Variants in FAAP20 observed in about 807,000 individuals in gnomAD.
FAAP20 encodes FA core complex associated protein 20, also known as Fanconi anemia core complex-associated protein 20.
FAAP20 carries 12 observed loss-of-function variants against 16.2 expected under a neutral mutation model. That is an observed-to-expected ratio of 0.74 (90% CI 0.48 to 1.20). The LOEUF is 1.20. Ranked by LOEUF, FAAP20 falls within the 50% of genes most tolerant of loss-of-function variation. FAAP20 has a pLI of 0.00. For synonymous variants in FAAP20, 141 were observed against 110.7 expected, an observed-to-expected ratio of 1.27 and a Z score of -1.72; for missense variants, 288 against 245.8, an observed-to-expected ratio of 1.17 and a Z score of -1.15.
chr1:2,189,276 G>A (rs1011656485), downstream of FAAP20, among the ~76,000 whole-genome samples: 1 of 146,760 alleles, frequency 6.8e-6, no homozygotes, highest in African/African-American at 2.5e-5. Context: ...AGGCTGCAAT[G>A]AGCCGTGATT....
At chr1:2,185,323 A>G (rs997234815), downstream of FAAP20, 1 of 718,656 alleles carries the variant, frequency 1.4e-6, no homozygotes, top group African/African-American at 1.7e-5. Flanking sequence ...ACAGAACTCG[A>G]TGCACTGACC....
chr1:2,199,063 A>G (rs1572129614), upstream of FAAP20: 1 of 1,225,510 alleles, frequency 8.2e-7, no homozygotes, highest in East Asian at 5.8e-5. This position sits in a 1 kb window ranked among gnomAD's most constrained non-coding sequence, Gnocchi z 4.5. Context: ...TGGCGGGGTC[A>G]TGGCACAGGC....
In FAAP20 at chr1:2,189,675, G is replaced by A. The variant is rs1389331069; in HGVS notation, c.*34C>T. Reference sequence around the variant, plus strand: ...TGCTGGCGGGGGAGAGCGTGTCCGGGCGCCGCACTCTGCGCAGGGCTCTTG... The same window carrying A: ...TGCTGGCGGGGGAGAGCGTGTCCGGACGCCGCACTCTGCGCAGGGCTCTTG... On this transcript the variant is annotated 3_prime_UTR_variant, in exon 4 of 4. Transcript: ENST00000378546. The A allele has an allele frequency of 6.3e-7, 1 of 1,595,756 alleles. No individual in the cohort carries two copies. Among genetic ancestry groups the A allele is most frequent in the Non-Finnish European group, 8.6e-7 (1 of 1,164,992 alleles).
rs1265193469 is a variant in FAAP20, at chr1:2,190,600, G to A, written c.471-819C>T. 3.1e-5 allele frequency: 11 copies of A among 357,784 alleles called. 1 individual carries two copies. Among genetic ancestry groups the A allele is most frequent in the South Asian group, 2.2e-4 (11 of 49,684 alleles). The allele number at this position is 357,784 out of a possible 1,614,324, so 22.2% of individuals were successfully genotyped here. On this transcript the variant is annotated intron_variant, in intron 3 of 3. Transcript: ENST00000378546. Reference sequence around the variant, plus strand: ...AGTTGACTTCCGGCCATGACTCCCGGAGAGTGCCGGAGCTGGCGTGCTCAG... The same window carrying A: ...AGTTGACTTCCGGCCATGACTCCCGAAGAGTGCCGGAGCTGGCGTGCTCAG...
At chr1:2,193,395 C>A in intron 3 of FAAP20, 1 of 610,058 alleles carries the variant, frequency 1.6e-6, no homozygotes, top group Non-Finnish European at 2.7e-6. Context: ...TCCCAGCCTT[C>A]CTTCTGTGCT....
In FAAP20 at chr1:2,194,103, C is replaced by T. The variant is rs148590466; in HGVS notation, c.93G>A (p.Leu31=). ...GPSGGRPWFL[L]GGDERERLWA... is the part of the protein sequence containing the mutation. ...AGAGCCGCTCCCGCTCATCACCCCC[C>T]AGGAGAAACCAGGGGCGGCCGCCAG... Residue 31 remains leucine, a synonymous_variant, in exon 2 of 4, where the codon CTG becomes CTA. Coordinates refer to ENST00000378546, the MANE Select transcript of FAAP20 (RefSeq NM_182533.4). 3 of 1,612,412 alleles carry T rather than the reference C, an allele frequency of 1.9e-6. No individual in the cohort carries two copies. The highest frequency in any genetic ancestry group is 3.3e-5 in the Admixed American group (2 of 60,004).
At chr1:2,186,967 GT>G (rs1217910628), downstream of FAAP20, 1 of 283,542 alleles carries the variant, frequency 3.5e-6, no homozygotes, top group Admixed American at 5.1e-5. Flanking sequence ...ATAAATTAAA[GT>G]GAAGGATGTA....
chr1:2,205,618 G>A (rs906103726), intron 3 of FAAP20, among the ~76,000 whole-genome samples: 1 of 152,138 alleles, frequency 6.6e-6, no homozygotes, highest in Non-Finnish European at 1.5e-5. Flanking sequence ...TTCCAGCGTC[G>A]AGCCTGCTTC....
In FAAP20 at chr1:2,189,742, G is replaced by C. The variant is rs1687954361; in HGVS notation, c.510C>G (p.Cys170Trp). The change falls in exon 4 of 4, where the codon TGC (cysteine) becomes TGG (tryptophan). Residue 170 changes from cysteine to tryptophan, a missense_variant. Transcript: ENST00000378546. The stretch of plus-strand genomic sequence containing the variant: ...TCACGTCTTCTGTGCTTTCGGCCAA[G>C]CACTGGGCCAGGTGGCTGTCAACAT... Reference protein sequence around the residue: ...QLDVDSHLAQCLAESTEDVTW With the variant: ...QLDVDSHLAQWLAESTEDVTW 1.2e-6 allele frequency: 2 copies of C among 1,612,216 alleles called. No homozygotes were observed. Among genetic ancestry groups the C allele is most frequent in the African/African-American group, 1.3e-5 (1 of 74,910 alleles).
intron 3 of FAAP20, chr1:2,190,486 C>T (rs962684882): frequency 1.4e-5 from 6 of 444,132 alleles, no homozygotes; most frequent in African/African-American, 4.0e-5. Context: ...CTTCTATCCC[C>T]GGCCTCATGT....
chr1:2,204,645 C>T (rs867850369), upstream of FAAP20, among the ~76,000 whole-genome samples: 11 of 152,214 alleles, frequency 7.2e-5, no homozygotes, highest in African/African-American at 1.4e-4. Context: ...CGGGTGGATT[C>T]CCTCCCACTG....
chr1:2,184,563 TCTC>T (rs539390535), downstream of FAAP20: 42 of 1,603,676 alleles, frequency 2.6e-5, no homozygotes, highest in African/African-American at 2.7e-5. Flanking sequence ...AGCTGACCCT[TCTC>T]CTATTGTTTT....
upstream of FAAP20, among the ~76,000 whole-genome samples, chr1:2,197,463 A>G (rs1688871570): frequency 6.6e-6 from 1 of 152,200 alleles, no homozygotes; most frequent in Admixed American, 6.5e-5. Context: ...GGTAGGAGGC[A>G]CGGGCCTGCA....
chr1:2,185,050 T>C (rs1413325982), downstream of FAAP20: 3 of 1,541,258 alleles, frequency 1.9e-6, no homozygotes, highest in East Asian at 6.9e-5. Context: ...TGATTGACCC[T>C]TTAACTGTAT....
chr1:2,194,868 G>A (rs1688733243), upstream of FAAP20: 2 of 895,878 alleles, frequency 2.2e-6, no homozygotes, highest in Non-Finnish European at 2.7e-6. Context: ...CGAGACAGTC[G>A]GAACCCCAGG....
chr1:2,191,791 A>C, intron 3 of FAAP20: 1 of 976,886 alleles, frequency 1.0e-6, no homozygotes, highest in Non-Finnish European at 1.2e-6. Flanking sequence ...CCACATCAAC[A>C]GAGACAAAAC....
At chr1:2,188,845 AAC>A (rs1181338500), downstream of FAAP20, among the ~76,000 whole-genome samples, 2 of 151,610 alleles carry the variant, frequency 1.3e-5, no homozygotes, top group Admixed American at 6.6e-5. Context: ...TTCTACTGAA[AAC>A]ACAAAAAATT....
At chr1:2,199,073 C>A, upstream of FAAP20, 1 of 1,202,886 alleles carries the variant, frequency 8.3e-7, no homozygotes, top group Non-Finnish European at 1.1e-6. The surrounding 1 kb of genome is among the most constrained non-coding windows in gnomAD (Gnocchi z 4.5). Flanking sequence ...ATGGCACAGG[C>A]CTGCCCCTGA....
Position 2,189,747 on chromosome 1 carries a change from G to A in FAAP20, c.505C>T (p.Gln169Ter), listed in dbSNP as rs1687954691. Residue 169 changes from glutamine to a stop codon, truncating the protein, a stop_gained, in exon 4 of 4, where the codon CAG (glutamine) becomes TAG (stop). Coordinates refer to ENST00000378546, the MANE Select transcript of FAAP20 (RefSeq NM_182533.4). LOFTEE classifies it high-confidence loss of function. ...TQLDVDSHLAQCLAESTEDVT... is the reference protein window; with the variant it reads ...TQLDVDSHLA Reference sequence around the variant, plus strand: ...TCTTCTGTGCTTTCGGCCAAGCACTGGGCCAGGTGGCTGTCAACATCCAGC... The same window carrying A: ...TCTTCTGTGCTTTCGGCCAAGCACTAGGCCAGGTGGCTGTCAACATCCAGC... The A allele has an allele frequency of 1.2e-6, 2 of 1,612,358 alleles. No individual in the cohort carries two copies. Among genetic ancestry groups the A allele is most frequent in the Admixed American group, 1.7e-5 (1 of 59,972 alleles).
Sources: gnomAD v4.1 joint callset for allele counts (sites outside exome capture counted in the v4.1 genomes callset) on GRCh38, gnomAD v4.1.1 for gene constraint, Gnocchi (gnomAD v3.1) non-coding constraint, MANE v1.5 for transcripts, NCBI Gene and HGNC (gene_info 2026-07-23, HGNC 2026-07-21) for gene names.